Variants in RALGAPA1 observed in about 807,000 individuals in gnomAD.
RALGAPA1 encodes ral GTPase-activating protein subunit alpha-1.
Under a neutral mutation model 269.6 loss-of-function variants are expected in RALGAPA1, and 52 were observed. That is an observed-to-expected ratio of 0.19 (90% CI 0.15 to 0.24). The LOEUF is 0.24. RALGAPA1 is among the 10% of genes least tolerant of loss of function. The pLI is 1.00. For missense variants in RALGAPA1, 1,917 were observed against 3,013.9 expected, an observed-to-expected ratio of 0.64 and a Z score of 8.52; for synonymous variants, 817 against 1,008.3, an observed-to-expected ratio of 0.81 and a Z score of 3.60.
rs2077569091 is a variant in RALGAPA1, at chr14:35,809,057, C to T, written c.-222G>A. On this transcript the variant is annotated 5_prime_UTR_variant, in exon 1 of 42. Coordinates refer to ENST00000680220, the MANE Select transcript of RALGAPA1 (RefSeq NM_001346249.2). ...TCCAAGGCACCTTCGGCCCCAGCTCCAATATGGCGGATCCCTCTCCCGGCC... is the reference window on the plus strand; with the variant it reads ...TCCAAGGCACCTTCGGCCCCAGCTCTAATATGGCGGATCCCTCTCCCGGCC... 3 of 699,264 alleles carry T rather than the reference C, an allele frequency of 4.3e-6. No homozygotes were observed. Among genetic ancestry groups the T allele is most frequent in the Non-Finnish European group, 4.5e-6 (2 of 441,710 alleles). The allele number at this position is 699,264 out of a possible 1,614,324, so 43.3% of individuals were successfully genotyped here. A position where few individuals can be genotyped will look rare whatever the true frequency, so the allele number is the denominator to read the frequency against.
At chr14:35,660,704 C>G (rs1342551735) in intron 27 of RALGAPA1, among the ~76,000 whole-genome samples, 3 of 151,968 alleles carry the variant, frequency 2.0e-5, no homozygotes, top group Non-Finnish European at 4.4e-5. Context: ...CTAAGTGTCC[C>G]TTGAAGGACT....
chr14:35,807,397 C>T (rs944620473), intron 1 of RALGAPA1, among the ~76,000 whole-genome samples: 1 of 152,104 alleles, frequency 6.6e-6, no homozygotes, highest in Non-Finnish European at 1.5e-5. Context: ...CTTTTTATAG[C>T]GCTAAACTGG....
At chr14:35,774,970 T>C (rs749119370) in intron 3 of RALGAPA1, 36 bp downstream of exon 3, 4 of 1,332,468 alleles carry the variant, frequency 3.0e-6, no homozygotes, top group Admixed American at 3.9e-5. Context: ...AAAATTATTT[T>C]TGAAAAAGGG....
chr14:35,741,339 T>A (rs1048558906), intron 11 of RALGAPA1, among the ~76,000 whole-genome samples: 14 of 152,210 alleles, frequency 9.2e-5, no homozygotes, highest in African/African-American at 3.4e-4. Context: ...GAATTAGGAC[T>A]GTAGATATTA....
chr14:35,548,970 A>T, intron 40 of RALGAPA1, 140 bp downstream of exon 40: 1 of 985,520 alleles, frequency 1.0e-6, no homozygotes, highest in Non-Finnish European at 1.5e-6. Context: ...TCAAATTTAT[A>T]GGCCAAATTC....
At chr14:35,768,344 A>C (rs1287381170) in intron 4 of RALGAPA1, among the ~76,000 whole-genome samples, 1 of 152,176 alleles carries the variant, frequency 6.6e-6, no homozygotes, top group Admixed American at 6.5e-5. Flanking sequence ...GCCTCTGCCA[A>C]GTGCTGAGAT....
intron 4 of RALGAPA1, among the ~76,000 whole-genome samples, chr14:35,768,366 G>A (rs886352308): frequency 2.6e-5 from 4 of 152,112 alleles, no homozygotes; most frequent in African/African-American, 9.7e-5. Context: ...ACAGGCATGG[G>A]GCATCATGCC....
intron 33 of RALGAPA1, among the ~76,000 whole-genome samples, chr14:35,632,375 C>A (rs1388680023): frequency 6.6e-6 from 1 of 152,124 alleles, no homozygotes; most frequent in Non-Finnish European, 1.5e-5. Flanking sequence ...TAACTCTATT[C>A]AGGGTTGTCT....
At chr14:35,735,194 C>A (rs2070867436) in intron 12 of RALGAPA1, among the ~76,000 whole-genome samples, 1 of 152,042 alleles carries the variant, frequency 6.6e-6, no homozygotes, top group African/African-American at 2.4e-5. Flanking sequence ...CATTTTAATC[C>A]AGCAATCCCA....
At chr14:35,623,944 G>A (rs1173605492) in intron 35 of RALGAPA1, among the ~76,000 whole-genome samples, 11 of 151,942 alleles carry the variant, frequency 7.2e-5, no homozygotes, top group Non-Finnish European at 1.6e-4. Flanking sequence ...TTAGCTGGGC[G>A]TGGTGGCGGG....
intron 4 of RALGAPA1, among the ~76,000 whole-genome samples, chr14:35,769,633 A>C (rs1417399935): frequency 6.6e-6 from 1 of 152,206 alleles, no homozygotes; most frequent in Non-Finnish European, 1.5e-5. Flanking sequence ...TAATATTAAA[A>C]AAAAAGAATG....
intron 39 of RALGAPA1, among the ~76,000 whole-genome samples, chr14:35,569,806 T>C (rs552274196): frequency 6.6e-6 from 1 of 152,288 alleles, no homozygotes; most frequent in Admixed American, 6.5e-5. Context: ...ATTTCTGGAA[T>C]ACCTGCCCAT....
chr14:35,646,012 T>C lies in RALGAPA1; in HGVS notation c.5676+5793A>G, dbSNP rs148673301. Among the ~76,000 whole-genome samples, 12 of 152,092 alleles carry C rather than the reference T, an allele frequency of 7.9e-5. No homozygotes were observed. The East Asian group carries it at 2.3e-3, about 29-fold the overall frequency. ...ACATTTTGAGCACCAAAATAAATAA[T>C]AGTTAAGGATTACAAATCATTGCAT... On this transcript the variant is annotated intron_variant, in intron 31 of 41. Transcript: ENST00000680220.
intron 28 of RALGAPA1, among the ~76,000 whole-genome samples, chr14:35,656,472 G>A (rs2063183674): frequency 6.6e-6 from 1 of 152,122 alleles, no homozygotes; most frequent in African/African-American, 2.4e-5. Flanking sequence ...CTTCATTTCT[G>A]TAGCAATATA....
At chr14:35,704,313 T>C (rs894397737) in intron 16 of RALGAPA1, among the ~76,000 whole-genome samples, 1 of 152,120 alleles carries the variant, frequency 6.6e-6, no homozygotes, top group Admixed American at 6.5e-5. Flanking sequence ...TCTTATTTGT[T>C]AGCATAAGCA....
chr14:35,794,631 G>A (rs1027376739), intron 1 of RALGAPA1, among the ~76,000 whole-genome samples: 2 of 151,990 alleles, frequency 1.3e-5, no homozygotes, highest in Admixed American at 6.6e-5. Context: ...TAATTTTTTT[G>A]TATTTTTAGT....
chr14:35,695,106 GA>G (rs1165148589), intron 17 of RALGAPA1, among the ~76,000 whole-genome samples: 2 of 150,606 alleles, frequency 1.3e-5, no homozygotes, highest in African/African-American at 2.4e-5. Context: ...ATTATTCCAG[GA>G]AAAAAAAATT....
intron 35 of RALGAPA1, among the ~76,000 whole-genome samples, chr14:35,616,066 A>C (rs1273968469): frequency 1.3e-5 from 2 of 152,138 alleles, no homozygotes; most frequent in Non-Finnish European, 2.9e-5. Flanking sequence ...TAAAGGCAAG[A>C]AGAGACAGAG....
At chr14:35,707,773 T>C (rs932176524) in intron 16 of RALGAPA1, among the ~76,000 whole-genome samples, 1 of 152,224 alleles carries the variant, frequency 6.6e-6, no homozygotes, top group Non-Finnish European at 1.5e-5. Context: ...TCAATTTCAT[T>C]AATACATACC....
Sources: allele counts gnomAD v4.1 joint callset (sites outside exome capture counted in the v4.1 genomes callset), GRCh38; gene constraint gnomAD v4.1.1; transcripts MANE v1.5; gene names NCBI Gene and HGNC (gene_info 2026-07-23, HGNC 2026-07-21).